HOGA1: variants seen among roughly 807,000 people sequenced by gnomAD.
HOGA1 encodes the protein 4-hydroxy-2-oxoglutarate aldolase, mitochondrial.
HOGA1 carries 30 observed loss-of-function variants against 34.3 expected under a neutral mutation model. That is an observed-to-expected ratio of 0.87 (90% CI 0.65 to 1.19). The LOEUF (loss-of-function observed/expected upper bound fraction) is 1.19, where lower values mean the gene tolerates loss of function less well. Among genes scored for constraint, HOGA1 ranks in the 50% most tolerant of loss-of-function variants. The pLI is 0.00. For synonymous variants in HOGA1, 161 were observed against 174.0 expected (o/e 0.93, Z 0.59); for missense variants, 417 against 436.5 (o/e 0.96, Z 0.40).
chr10:97,610,538 A>G (rs937362916), intron 6 of HOGA1, among the ~76,000 whole-genome samples: 3 of 152,162 alleles, frequency 2.0e-5, no homozygotes, highest in Non-Finnish European at 2.9e-5. Flanking sequence ...TAATCCTAGC[A>G]CTTTGGGAGG....
intron 1 of HOGA1, among the ~76,000 whole-genome samples, chr10:97,585,378 C>T (rs1327898932): frequency 6.6e-6 from 1 of 152,156 alleles, no homozygotes; most frequent in African/African-American, 2.4e-5. Context: ...CCCCTTGGCT[C>T]CTGTGACTCC....
At chr10:97,609,633 G>A (rs2041181433) in intron 6 of HOGA1, among the ~76,000 whole-genome samples, 1 of 152,028 alleles carries the variant, frequency 6.6e-6, no homozygotes, top group East Asian at 1.9e-4. Flanking sequence ...CCACCAGCCT[G>A]CCTCCTGCCC....
intron 6 of HOGA1, among the ~76,000 whole-genome samples, chr10:97,605,409 T>TC (rs2041150058): frequency 1.8e-5 from 1 of 56,502 alleles, no homozygotes; most frequent in Non-Finnish European, 4.5e-5. Context: ...AGATCCTGTC[T>TC]CAAAAAAAAA....
intron 1 of HOGA1, chr10:97,591,048 C>T (rs948583659): frequency 1.2e-5 from 2 of 161,278 alleles, no homozygotes; most frequent in Non-Finnish European, 2.8e-5. Flanking sequence ...CGACCTGGGG[C>T]CTTTTCACTG....
intron 1 of HOGA1, chr10:97,589,839 A>T (rs540202969): frequency 2.8e-5 from 38 of 1,376,432 alleles, no homozygotes; most frequent in Non-Finnish European, 3.9e-5. Context: ...GAGCTCATCC[A>T]GCAGCCATCA....
At position 97,602,671 on chromosome 10, in the gene HOGA1, TTC is replaced by T. The variant is rs138070744; in HGVS notation, c.834+687_834+688del. On this transcript the variant is annotated intron_variant, in intron 6 of 6. Coordinates refer to ENST00000370646, the MANE Select transcript of HOGA1 (RefSeq NM_138413.4). ...CCCTCCTTTCTGTCTTTCTTTCTCT[TTC>T]TCTCTTTCTTTCTTTCCTTCTTTCT... 5 of 794,280 alleles carry T rather than the reference TTC, an allele frequency of 6.3e-6. 1 individual carries two copies. In the South Asian group the frequency reaches 2.3e-4, roughly 37 times the overall value. The allele number at this position is 794,280 out of a possible 1,614,324, so 49.2% of individuals were successfully genotyped here.
intron 1 of HOGA1, among the ~76,000 whole-genome samples, chr10:97,589,276 C>T (rs550622520): frequency 1.7e-4 from 26 of 152,030 alleles, no homozygotes; most frequent in African/African-American, 6.3e-4. Flanking sequence ...TGGAATATGC[C>T]AGGCTGGCAG....
At chr10:97,599,301 G>A (rs1410602296) in intron 3 of HOGA1, 85 bp downstream of exon 3, 1 of 1,527,220 alleles carries the variant, frequency 6.5e-7, no homozygotes, top group Non-Finnish European at 9.0e-7. Flanking sequence ...TGCTTCACAT[G>A]AACGGCAGCT....
At chr10:97,590,185 C>A in intron 1 of HOGA1, 1 of 1,614,074 alleles carries the variant, frequency 6.2e-7, no homozygotes, top group Non-Finnish European at 8.5e-7. Flanking sequence ...CCTTCACCAG[C>A]AGGCAGAAGA....
intron 1 of HOGA1, chr10:97,589,900 G>T (rs770023306): frequency 6.2e-7 from 1 of 1,611,762 alleles, no homozygotes; most frequent in Admixed American, 1.7e-5. Flanking sequence ...GAGGTCTCAT[G>T]CTGTGGGTTC....
At position 97,612,346 on chromosome 10, in the gene HOGA1, T is replaced by G. The variant is rs2135730628; in HGVS notation, c.*687T>G. 1 of 152,542 alleles carries G rather than the reference T, an allele frequency of 6.6e-6. No individual in the cohort carries two copies. The highest frequency in any genetic ancestry group is 2.1e-4 in the South Asian group (1 of 4,830). 9.4% of individuals were successfully genotyped at this position (152,542 alleles called of 1,614,324 possible). ...CTACTTAGATTTGGGGCTTCAAACCTGAGTCTAGCACAATGCAGCTGGAGG... is the reference window on the plus strand; with the variant it reads ...CTACTTAGATTTGGGGCTTCAAACCGGAGTCTAGCACAATGCAGCTGGAGG... On this transcript the variant is annotated 3_prime_UTR_variant, in exon 7 of 7. Coordinates refer to ENST00000370646, the MANE Select transcript of HOGA1 (RefSeq NM_138413.4).
chr10:97,610,109 G>C (rs1459745762), intron 6 of HOGA1, among the ~76,000 whole-genome samples: 2 of 152,214 alleles, frequency 1.3e-5, no homozygotes. Context: ...GAAATAACCA[G>C]TTGCTATACC....
At chr10:97,608,792 T>A (rs1414386287) in intron 6 of HOGA1, among the ~76,000 whole-genome samples, 1 of 115,254 alleles carries the variant, frequency 8.7e-6, no homozygotes, top group Non-Finnish European at 1.9e-5. Flanking sequence ...GGCGACAGAG[T>A]GGGACTGTTT....
chr10:97,600,184 A>G (rs1469870215), intron 5 of HOGA1, 21 bp downstream of exon 5: 1 of 1,600,114 alleles, frequency 6.2e-7, no homozygotes, highest in Non-Finnish European at 8.6e-7. Context: ...CACTGCTCTC[A>G]AATTGTCATG....
At chr10:97,586,408 C>T (rs531285968) in intron 1 of HOGA1, among the ~76,000 whole-genome samples, 2 of 152,332 alleles carry the variant, frequency 1.3e-5, no homozygotes, top group South Asian at 2.1e-4. Flanking sequence ...CTGATGGACA[C>T]GTTGATCATT....
intron 1 of HOGA1, chr10:97,590,844 A>T (rs888088422): frequency 3.8e-6 from 2 of 525,736 alleles, no homozygotes; most frequent in African/African-American, 1.9e-5. Context: ...GCCCCTGAAG[A>T]CCCACCAAGA....
chr10:97,589,558 C>G (rs938784728), intron 1 of HOGA1, among the ~76,000 whole-genome samples: 1 of 152,036 alleles, frequency 6.6e-6, no homozygotes, highest in African/African-American at 2.4e-5. Flanking sequence ...GGAGACAGGA[C>G]CCAGGCCTCA....
intron 1 of HOGA1, chr10:97,590,106 G>T (rs538412135): frequency 6.2e-7 from 1 of 1,614,028 alleles, no homozygotes; most frequent in Non-Finnish European, 8.5e-7. Context: ...GAAGAGGTCA[G>T]CTCCACGGTT....
rs2041198034 is a variant in HOGA1 at position 97,611,745 on chromosome 10, G to C, written c.*86G>C. On this transcript the variant is annotated 3_prime_UTR_variant, in exon 7 of 7. Transcript: ENST00000370646. ...CCTGAAGCGGAGAGCACAGGGGGAT[G>C]AGGGTGGCAGGCAGCGGGGAGCCGA... 3 of 1,496,534 alleles carry C rather than the reference G, an allele frequency of 2.0e-6. No individual in the cohort carries two copies. Among genetic ancestry groups the C allele is most frequent in the South Asian group, 1.2e-5 (1 of 84,134 alleles). The allele number at this position is 1,496,534 out of a possible 1,614,324, so 92.7% of individuals were successfully genotyped here.
Sources: allele counts gnomAD v4.1 joint callset (sites outside exome capture counted in the v4.1 genomes callset), GRCh38; gene constraint gnomAD v4.1.1; transcripts MANE v1.5; gene names NCBI Gene and HGNC (gene_info 2026-07-23, HGNC 2026-07-21).